Variants in KIF20A observed in about 807,000 individuals in gnomAD.
The protein encoded by KIF20A is kinesin-like protein KIF20A.
KIF20A carries 66 observed loss-of-function variants against 113.0 expected under a neutral mutation model. The ratio of observed to expected loss-of-function variants is 0.58; its 90% CI spans 0.48 to 0.72. The LOEUF is 0.72. KIF20A is among the 30% of genes least tolerant of loss of function. The probability of loss-of-function intolerance (pLI) is 0.00; values close to 1 mark genes in which losing one functional copy is unlikely to be tolerated. For missense variants in KIF20A, 927 were observed against 1,077.6 expected, an observed-to-expected ratio of 0.86 and a Z score of 1.96; for synonymous variants, 376 against 402.3, an observed-to-expected ratio of 0.93 and a Z score of 0.78.
intron 2 of KIF20A, among the ~76,000 whole-genome samples, chr5:138,180,251 G>C (rs1327318884): frequency 6.6e-6 from 1 of 152,180 alleles, no homozygotes; most frequent in South Asian, 2.1e-4. Context: ...GCTTCAATTT[G>C]TTGTAGGTTT....
intron 2 of KIF20A, among the ~76,000 whole-genome samples, chr5:138,181,170 A>G (rs185347492): frequency 6.6e-6 from 1 of 152,386 alleles, no homozygotes; most frequent in African/African-American, 2.4e-5. Flanking sequence ...ATACCAGTCA[A>G]TAAATTCGAA....
chr5:138,185,113 A>G lies in KIF20A; in HGVS notation c.1842A>G (p.Gln614=), dbSNP rs765173450. The part of the protein sequence containing the change: ...EQWCSEHLDT[Q]KELLEEMYEE... ...CTGACAGTGAACATTTGGACACCCA[A>G]AAGGAACTATTGGAGGAAATGTATG... The change falls in exon 15 of 19, where the codon CAA becomes CAG. Residue 614 remains glutamine (Q), a synonymous_variant. Transcript: ENST00000394894. 2.5e-6 allele frequency: 4 copies of G among 1,613,556 alleles called. No individual in the cohort carries two copies. The highest frequency in any genetic ancestry group is 1.3e-5 in the African/African-American group (1 of 74,886).
At position 138,183,875 on chromosome 5, in the gene KIF20A, G is replaced by A. The variant is rs530466521; in HGVS notation, c.1209-87G>A. On this transcript the variant is annotated intron_variant, in intron 10 of 18. Coordinates refer to ENST00000394894, the MANE Select transcript of KIF20A (RefSeq NM_005733.3). This position sits in a 1 kb window ranked among gnomAD's most constrained non-coding sequence, Gnocchi z 5.2. ...TTCTTTGGGTACAGAGATTCTTAGT[G>A]GGCCGTCCCCTCTCCAGAATTATAC... 1 of 1,588,202 alleles carries A rather than the reference G, an allele frequency of 6.3e-7. No individual in the cohort carries two copies. The highest frequency in any genetic ancestry group is 1.3e-5 in the African/African-American group (1 of 74,266).
In KIF20A at chr5:138,183,146, C is replaced by T; in HGVS notation, c.833-23C>T. On this transcript the variant is annotated intron_variant, in intron 7 of 18. Transcript: ENST00000394894. The surrounding 1 kb of genome is among the most constrained non-coding windows in gnomAD (Gnocchi z 5.2). ...AGGTGAACTGCTCTAGGTTGATGCC[C>T]TATACATTGGCTTCTTCTCCAGAAA... 2 of 1,612,524 alleles carry T rather than the reference C, an allele frequency of 1.2e-6. No individual in the cohort carries two copies. Among genetic ancestry groups the T allele is most frequent in the Non-Finnish European group, 1.7e-6 (2 of 1,179,146 alleles).
Position 138,181,893 on chromosome 5 carries a change from G to T in KIF20A, c.375+165G>T, listed in dbSNP as rs1754667840. Reference sequence around the variant, plus strand: ...TTAGTCAATGTGTCAAGTAACATATGTATATCAGTTCTGAAAAATTCTATT... The same window carrying T: ...TTAGTCAATGTGTCAAGTAACATATTTATATCAGTTCTGAAAAATTCTATT... On this transcript the variant is annotated intron_variant, in intron 4 of 18. Coordinates refer to ENST00000394894, the MANE Select transcript of KIF20A (RefSeq NM_005733.3). 11 of 691,070 alleles carry T rather than the reference G, an allele frequency of 1.6e-5. 1 individual carries two copies. In the South Asian group the frequency reaches 1.7e-4, roughly 11 times the overall value. The allele number at this position is 691,070 out of a possible 1,614,324, so 42.8% of individuals were successfully genotyped here.
chr5:138,179,970 G>A (rs112405338), intron 2 of KIF20A, 125 bp downstream of exon 2: 27 of 980,178 alleles, frequency 2.8e-5, no homozygotes, highest in Non-Finnish European at 3.6e-5. Flanking sequence ...AAAATTAAGG[G>A]CATTTAGGAC....
Position 138,179,741 on chromosome 5 carries a change from T to C in KIF20A, c.61T>C (p.Ser21Pro). The change falls in exon 2 of 19, where the codon TCT becomes CCT. Residue 21 changes from serine (S) to proline (P), a missense_variant. By Grantham distance (74) the Ser-to-Pro change is moderately conservative. Transcript: ENST00000394894. The stretch of plus-strand genomic sequence containing the variant: ...GCTGTCCGATGACGATGTCGTAGTT[T>C]CTCCCATGTTTGAGTCCACAGCTGC... ...GLLSDDDVVV[S>P]PMFESTAADL... 1 of 1,614,134 alleles carries C rather than the reference T, an allele frequency of 6.2e-7. No individual in the cohort carries two copies. Among genetic ancestry groups the C allele is most frequent in the Non-Finnish European group, 8.5e-7 (1 of 1,180,028 alleles).
chr5:138,179,247 C>CA (rs1754588199), intron 1 of KIF20A, 45 bp downstream of exon 1: 8 of 192,396 alleles, frequency 4.2e-5, no homozygotes, highest in Admixed American at 1.6e-4. Context: ...AGCTCTTGCC[C>CA]GCGCGGAATA....
In KIF20A at chr5:138,187,550, TCACTTTTGTATTATAAC is replaced by T; in HGVS notation, c.*141_*157del. The T allele has an allele frequency of 2.9e-6, 2 of 701,402 alleles. No individual in the cohort carries two copies. The highest frequency in any genetic ancestry group is 4.6e-6 in the Non-Finnish European group (2 of 435,422). The allele number at this position is 701,402 out of a possible 1,614,324, so 43.4% of individuals were successfully genotyped here. ...CAATACTCAGACACTAGCTTTTTTC[TCACTTTTGTATTATAAC>T]CACCTATGTAATCTCATGTTGTTGT... On this transcript the variant is annotated 3_prime_UTR_variant, in exon 19 of 19. Coordinates refer to ENST00000394894, the MANE Select transcript of KIF20A (RefSeq NM_005733.3).
At position 138,187,057 on chromosome 5, in the gene KIF20A, G is replaced by A. The variant is rs774306238; in HGVS notation, c.2356-39G>A. 69 of 1,520,688 alleles carry A rather than the reference G, an allele frequency of 4.5e-5. 1 individual carries two copies. In the Admixed American group the frequency reaches 1.3e-3, roughly 29 times the overall value. The allele number at this position is 1,520,688 out of a possible 1,614,324, so 94.2% of individuals were successfully genotyped here. A position where few individuals can be genotyped will look rare whatever the true frequency, so the allele number is the denominator to read the frequency against. ...GCCCTCTCGTTTCTCTAATATACCA[G>A]ACAAAAGTGTTTTCTATAACTTTAT... On this transcript the variant is annotated intron_variant, in intron 18 of 18. Coordinates refer to ENST00000394894, the MANE Select transcript of KIF20A (RefSeq NM_005733.3).
chr5:138,184,495 A>AT lies in KIF20A; in HGVS notation c.1519-9dup, dbSNP rs140512754. The AT allele has an allele frequency of 7.9e-5, 127 of 1,609,986 alleles. No individual in the cohort carries two copies. Among genetic ancestry groups the AT allele is most frequent in the Middle Eastern group, 3.3e-4 (2 of 6,054 alleles). On this transcript the variant is annotated splice_polypyrimidine_tract_variant and intron_variant, in intron 12 of 18. Coordinates refer to ENST00000394894, the MANE Select transcript of KIF20A (RefSeq NM_005733.3). ...GACTACTTATGGAGTCAAGTAAGAT[A>AT]TTTTTTTTCCCTCTAGCTTGTGCAT...
At chr5:138,185,343 T>C in intron 15 of KIF20A, 146 bp downstream of exon 15, 1 of 849,998 alleles carries the variant, frequency 1.2e-6, no homozygotes, top group Non-Finnish European at 1.9e-6. Flanking sequence ...TTGGGTTCAA[T>C]CTATGTTTGG....
At position 138,186,384 on chromosome 5, in the gene KIF20A, A is replaced by C. The variant is rs764050431; in HGVS notation, c.2308A>C (p.Lys770Gln). The C allele has an allele frequency of 6.2e-7, 1 of 1,610,602 alleles. No homozygotes were observed. Among genetic ancestry groups the C allele is most frequent in the East Asian group, 2.2e-5 (1 of 44,864 alleles). ...RACCHSTGAGKLRQALTTCDD... is the reference protein window; with the variant it reads ...RACCHSTGAGQLRQALTTCDD... ...TTGTTGCCACAGCACTGGGGCAGGA[A>C]AACTTCGTCAAGCCTTGACCACTTG... Residue 770 changes from lysine (K) to glutamine (Q), a missense_variant, in exon 18 of 19, where the codon AAA (lysine) becomes CAA (glutamine). Lys to Gln is a moderately conservative substitution (Grantham distance 53). Coordinates refer to ENST00000394894, the MANE Select transcript of KIF20A (RefSeq NM_005733.3).
intron 15 of KIF20A, 22 bp from the exon 16 acceptor site, chr5:138,185,490 G>A: frequency 6.2e-7 from 1 of 1,608,472 alleles, no homozygotes. Context: ...GCAAAGAATT[G>A]TGCTCTCTGC....
intron 2 of KIF20A, among the ~76,000 whole-genome samples, chr5:138,180,047 T>C (rs958795249): frequency 1.7e-4 from 25 of 150,670 alleles, no homozygotes; most frequent in African/African-American, 6.1e-4. Context: ...AAAAATTGAG[T>C]TGTGTGTCCA....
chr5:138,182,507 G>T, intron 5 of KIF20A, 46 bp downstream of exon 5: 2 of 1,612,342 alleles, frequency 1.2e-6, no homozygotes, highest in Non-Finnish European at 1.7e-6. Flanking sequence ...TGGTAATGGT[G>T]TTGTTTTTAC....
chr5:138,187,065 T>A (rs1754756801), intron 18 of KIF20A, 31 bp from the exon 19 acceptor site: 2 of 1,548,122 alleles, frequency 1.3e-6, no homozygotes, highest in South Asian at 2.4e-5. Flanking sequence ...CAGACAAAAG[T>A]GTTTTCTATA....
chr5:138,187,217 C>T lies in KIF20A; in HGVS notation c.2477C>T (p.Ala826Val). ...TTGAAACTCCAAGGCCAGGTTTCTG[C>T]CAAAAAGCGCCTTGGTACCAACCAG... is the stretch of plus-strand genomic sequence containing the variant. ...TVLKLQGQVS[A>V]KKRLGTNQEN... is the part of the protein sequence containing the mutation. The change falls in exon 19 of 19, where the codon GCC (alanine) becomes GTC (valine). Residue 826 changes from alanine (A) to valine (V), a missense_variant. Transcript: ENST00000394894. The T allele has an allele frequency of 8.7e-6, 14 of 1,614,116 alleles. No individual in the cohort carries two copies. Among genetic ancestry groups the T allele is most frequent in the Non-Finnish European group, 1.2e-5 (14 of 1,180,004 alleles).
Position 138,183,933 on chromosome 5 carries a change from C to T in KIF20A, c.1209-29C>T, listed in dbSNP as rs1754701758. 6.8e-6 allele frequency: 11 copies of T among 1,613,818 alleles called. No homozygotes were observed. The highest frequency in any genetic ancestry group is 9.3e-6 in the Non-Finnish European group (11 of 1,179,840). Reference sequence around the variant, plus strand: ...CAGAAGGCTCATAACATGTGAGGCCCTTATGTCAGATCCTGTGCATCATTC... The same window carrying T: ...CAGAAGGCTCATAACATGTGAGGCCTTTATGTCAGATCCTGTGCATCATTC... On this transcript the variant is annotated intron_variant, in intron 10 of 18. Coordinates refer to ENST00000394894, the MANE Select transcript of KIF20A (RefSeq NM_005733.3). The surrounding 1 kb of genome is among the most constrained non-coding windows in gnomAD (Gnocchi z 5.2).
Sources: gnomAD v4.1 joint callset for allele counts (sites outside exome capture counted in the v4.1 genomes callset) on GRCh38, gnomAD v4.1.1 for gene constraint, Gnocchi (gnomAD v3.1) non-coding constraint, MANE v1.5 for transcripts, NCBI Gene and HGNC (gene_info 2026-07-23, HGNC 2026-07-21) for gene names.